Variants in CSMD1 observed in about 807,000 individuals in gnomAD.
The protein encoded by CSMD1 is CUB and sushi domain-containing protein 1.
CSMD1 carries 213 observed loss-of-function variants against 417.5 expected under a neutral mutation model. That is an observed-to-expected ratio of 0.51 (90% confidence interval 0.46 to 0.57). CSMD1 has a LOEUF of 0.57. Ranked by LOEUF, CSMD1 falls within the 20% of genes least tolerant of loss-of-function variation. CSMD1 has a pLI of 0.00. For synonymous variants in CSMD1, 2,862 were observed against 1,736.8 expected (o/e 1.65, Z -16.11); for missense variants, 6,923 against 4,529.7 (o/e 1.53, Z -15.17).
intron 1 of CSMD1, among the ~76,000 whole-genome samples, chr8:4,848,364 G>A (rs1199286604): frequency 6.6e-6 from 1 of 152,156 alleles, no homozygotes; most frequent in South Asian, 2.1e-4. Flanking sequence ...TACAATGGTG[G>A]TCACGTAAGA....
chr8:3,222,327 T>A (rs1798266196), intron 28 of CSMD1, among the ~76,000 whole-genome samples: 1 of 151,974 alleles, frequency 6.6e-6, no homozygotes, highest in African/African-American at 2.4e-5. Flanking sequence ...TTTCATTTTT[T>A]TTTTTAAAGC....
At chr8:3,329,207 A>T (rs1806732174) in intron 23 of CSMD1, among the ~76,000 whole-genome samples, 1 of 152,146 alleles carries the variant, frequency 6.6e-6, no homozygotes, top group African/African-American at 2.4e-5. Context: ...TTAGGATATT[A>T]TCAATAACAG....
intron 5 of CSMD1, among the ~76,000 whole-genome samples, chr8:3,994,129 G>C (rs1309901366): frequency 1.3e-5 from 2 of 152,118 alleles, no homozygotes; most frequent in African/African-American, 4.8e-5. Flanking sequence ...GTTAAGAATC[G>C]ATGCATTTAT....
At chr8:4,300,860 G>A (rs1450418754) in intron 3 of CSMD1, among the ~76,000 whole-genome samples, 1 of 152,154 alleles carries the variant, frequency 6.6e-6, no homozygotes, top group Non-Finnish European at 1.5e-5. Flanking sequence ...CAAAGGACAT[G>A]AACTCATCAT....
intron 8 of CSMD1, among the ~76,000 whole-genome samples, chr8:3,592,646 A>G (rs1800900965): frequency 6.6e-6 from 1 of 151,914 alleles, no homozygotes; most frequent in African/African-American, 2.4e-5. Context: ...TGAAGGGTCT[A>G]TGTGTGTGTT....
intron 5 of CSMD1, among the ~76,000 whole-genome samples, chr8:3,806,970 T>C (rs957243639): frequency 1.3e-5 from 2 of 152,172 alleles, no homozygotes; most frequent in Non-Finnish European, 2.9e-5. Flanking sequence ...AATCTGATGA[T>C]TTATTCTAGC....
intron 49 of CSMD1, among the ~76,000 whole-genome samples, chr8:3,062,444 T>G (rs1381892067): frequency 6.6e-6 from 1 of 151,998 alleles, no homozygotes; most frequent in South Asian, 2.1e-4. Flanking sequence ...TTCCGTTTGT[T>G]TGAAAGGATA....
chr8:2,947,746 C>T lies in CSMD1; in HGVS notation c.10402+1553G>A, dbSNP rs115319398. 9.6e-3 allele frequency among the ~76,000 whole-genome samples: 1,462 copies of T among 152,100 alleles called. 21 individuals are homozygous for T. The highest frequency in any genetic ancestry group is 0.033 in the African/African-American group (1,372 of 41,486). On this transcript the variant is annotated intron_variant, in intron 68 of 69. Coordinates refer to ENST00000635120, the MANE Select transcript of CSMD1 (RefSeq NM_033225.6). ...AATAACTCCAGGATTCGGCTTAGAG[C>T]AAGAGAAAAAACATCACCCATCATT...
chr8:4,108,109 G>T (rs944950848), intron 3 of CSMD1, among the ~76,000 whole-genome samples: 3 of 151,534 alleles, frequency 2.0e-5, no homozygotes, highest in Non-Finnish European at 2.9e-5. Flanking sequence ...GAAAAAGACG[G>T]AGGAGGAGGA....
In CSMD1 at chr8:4,896,987, G is replaced by A. The variant is rs556377274; in HGVS notation, c.85+97345C>T. On this transcript the variant is annotated intron_variant, in intron 1 of 69. Coordinates refer to ENST00000635120, the MANE Select transcript of CSMD1 (RefSeq NM_033225.6). ...TTTACATTTCTTTCATTTTTGTGAT[G>A]TGTCTCGTTTTTTACACTGACTTCT... Among the ~76,000 whole-genome samples, 14 of 152,186 alleles carry A rather than the reference G, an allele frequency of 9.2e-5. No individual in the cohort carries two copies. The South Asian group carries it at 1.0e-3, about 11-fold the overall frequency.
chr8:3,859,987 T>G (rs1417542972), intron 5 of CSMD1, among the ~76,000 whole-genome samples: 2 of 152,142 alleles, frequency 1.3e-5, no homozygotes, highest in African/African-American at 4.8e-5. Context: ...GAGGGTGGTT[T>G]TGGGAAACCC....
At chr8:4,392,424 T>A (rs1803907424) in intron 3 of CSMD1, among the ~76,000 whole-genome samples, 1 of 152,030 alleles carries the variant, frequency 6.6e-6, no homozygotes, top group South Asian at 2.1e-4. Context: ...CCCAAAAATA[T>A]GAAGCCAAAG....
At chr8:4,154,716 G>A (rs932295481) in intron 3 of CSMD1, among the ~76,000 whole-genome samples, 1 of 152,212 alleles carries the variant, frequency 6.6e-6, no homozygotes, top group African/African-American at 2.4e-5. Context: ...AAGAGATCAT[G>A]TTTGTAGACC....
At chr8:4,346,515 T>C (rs937938676) in intron 3 of CSMD1, among the ~76,000 whole-genome samples, 6 of 152,140 alleles carry the variant, frequency 3.9e-5, no homozygotes, top group Admixed American at 2.0e-4. Flanking sequence ...TTGTCTAAAC[T>C]GAATTAAAAT....
At chr8:4,830,165 A>T (rs1800068405) in intron 1 of CSMD1, among the ~76,000 whole-genome samples, 1 of 152,184 alleles carries the variant, frequency 6.6e-6, no homozygotes, top group Admixed American at 6.5e-5. Context: ...ACAGTACAAG[A>T]AGAGTCTTGT....
intron 2 of CSMD1, among the ~76,000 whole-genome samples, chr8:4,444,614 A>G (rs1168435721): frequency 1.3e-5 from 2 of 152,156 alleles, no homozygotes; most frequent in African/African-American, 4.8e-5. Flanking sequence ...CACAAGGGAT[A>G]GATGCCATCT....
At chr8:3,418,154 C>T (rs183391542) in intron 12 of CSMD1, among the ~76,000 whole-genome samples, 1 of 152,194 alleles carries the variant, frequency 6.6e-6, no homozygotes, top group African/African-American at 2.4e-5. Context: ...GAGATGATTC[C>T]AAAGGTGTAG....
intron 26 of CSMD1, among the ~76,000 whole-genome samples, chr8:3,269,221 G>A (rs1585866612): frequency 6.6e-6 from 1 of 152,230 alleles, no homozygotes; most frequent in Non-Finnish European, 1.5e-5. Flanking sequence ...CTGTCTTTGG[G>A]CCTATGCTGT....
chr8:3,784,053 G>A (rs573793789), intron 5 of CSMD1, among the ~76,000 whole-genome samples: 68 of 152,316 alleles, frequency 4.5e-4, no homozygotes, highest in African/African-American at 1.6e-3. Context: ...CTGTTGTGAA[G>A]ATTGAAATAG....
Sources: allele counts gnomAD v4.1 joint callset (sites outside exome capture counted in the v4.1 genomes callset), GRCh38; gene constraint gnomAD v4.1.1; transcripts MANE v1.5; gene names NCBI Gene and HGNC (gene_info 2026-07-23, HGNC 2026-07-21).